Variants in NSUN6 observed in about 807,000 individuals in gnomAD.
NSUN6 encodes the protein NOP2/Sun RNA methyltransferase 6.
In NSUN6, 64 loss-of-function variants were observed where a neutral mutation model predicts 58.0. The observed-to-expected ratio is 1.10, with a 90% CI of 0.90 to 1.36. The LOEUF (loss-of-function observed/expected upper bound fraction) is 1.36, where lower values mean the gene tolerates loss of function less well. Among genes scored for constraint, NSUN6 ranks in the 40% most tolerant of loss-of-function variants. NSUN6 has a pLI of 0.00. For missense variants in NSUN6, 701 were observed against 550.1 expected (o/e 1.27, Z -2.74); for synonymous variants, 231 against 193.9 (o/e 1.19, Z -1.59).
intron 7 of NSUN6, among the ~76,000 whole-genome samples, chr10:18,590,076 A>C (rs1000592450): frequency 6.6e-6 from 1 of 152,212 alleles, no homozygotes; most frequent in African/African-American, 2.4e-5. Context: ...TACCAAGTCA[A>C]TGGAAAGCAA....
At chr10:18,582,326 T>C (rs2056940741) in intron 8 of NSUN6, among the ~76,000 whole-genome samples, 1 of 152,210 alleles carries the variant, frequency 6.6e-6, no homozygotes, top group Non-Finnish European at 1.5e-5. Context: ...GCCCTGTTTA[T>C]GTCTGACTAG....
chr10:18,644,942 G>C (rs1055865484), intron 2 of NSUN6, among the ~76,000 whole-genome samples: 1 of 151,832 alleles, frequency 6.6e-6, no homozygotes, highest in Non-Finnish European at 1.5e-5. Context: ...TGGATAACCT[G>C]AGGTTAGAGG....
intron 3 of NSUN6, among the ~76,000 whole-genome samples, chr10:18,619,034 A>T (rs895585796): frequency 5.3e-5 from 8 of 152,322 alleles, no homozygotes; most frequent in African/African-American, 1.9e-4. Flanking sequence ...CTGTTTTTAT[A>T]GTCTATGCCA....
intron 2 of NSUN6, among the ~76,000 whole-genome samples, chr10:18,645,968 G>A (rs1330718510): frequency 6.6e-6 from 1 of 152,160 alleles, no homozygotes; most frequent in Admixed American, 6.5e-5. Flanking sequence ...GCCAAGGCAC[G>A]CAGATCACTT....
intron 8 of NSUN6, among the ~76,000 whole-genome samples, chr10:18,583,041 G>A (rs1265290679): frequency 6.6e-6 from 1 of 152,262 alleles, no homozygotes; most frequent in African/African-American, 2.4e-5. Context: ...GAAGTCTGGA[G>A]CAGTCAAAGA....
intron 3 of NSUN6, among the ~76,000 whole-genome samples, chr10:18,632,900 T>A (rs2059085279): frequency 6.6e-6 from 1 of 152,172 alleles, no homozygotes; most frequent in African/African-American, 2.4e-5. Flanking sequence ...GCCATCCCAT[T>A]ACTGGGTATA....
At chr10:18,560,037 CTGGAATGGAGAATGGAA>C (rs1219672527) in intron 8 of NSUN6, among the ~76,000 whole-genome samples, 16 of 116,114 alleles carry the variant, frequency 1.4e-4, no homozygotes, top group African/African-American at 5.4e-4. Flanking sequence ...GGAGATTGAG[CTGGAATGGAGAATGGAA>C]TGAAATGGAA....
At chr10:18,634,639 G>C (rs2059151412) in intron 3 of NSUN6, among the ~76,000 whole-genome samples, 1 of 151,788 alleles carries the variant, frequency 6.6e-6, no homozygotes, top group South Asian at 2.1e-4. Context: ...GCAGGTGCAC[G>C]TAGTCCTAGC....
intron 7 of NSUN6, among the ~76,000 whole-genome samples, chr10:18,590,229 C>T (rs951788162): frequency 3.9e-5 from 6 of 152,140 alleles, no homozygotes; most frequent in Non-Finnish European, 7.3e-5. Flanking sequence ...TATATATGCA[C>T]CCAATACAGG....
intron 3 of NSUN6, among the ~76,000 whole-genome samples, chr10:18,627,218 T>G (rs1298134078): frequency 1.3e-5 from 2 of 152,216 alleles, no homozygotes; most frequent in Non-Finnish European, 2.9e-5. Flanking sequence ...AAATCTCATT[T>G]CAAGTAAACT....
intron 8 of NSUN6, among the ~76,000 whole-genome samples, chr10:18,580,273 C>A (rs1353769488): frequency 1.3e-5 from 2 of 152,182 alleles, no homozygotes; most frequent in East Asian, 1.9e-4. Context: ...GCATTTGTGC[C>A]ATGACCCGCT....
At chr10:18,630,977 T>G (rs916559477) in intron 3 of NSUN6, among the ~76,000 whole-genome samples, 13 of 151,882 alleles carry the variant, frequency 8.6e-5, no homozygotes, top group Non-Finnish European at 1.8e-4. Flanking sequence ...CCAATATCCT[T>G]GATGAACATT....
chr10:18,614,569 C>A lies in NSUN6; in HGVS notation c.466G>T (p.Gly156Ter). ...DVISVYSDIK[G>*]KCKKGAKEFD... Reference sequence around the variant, plus strand: ...TCTTTGGCTCCTTTCTTACATTTTCCTTTAATATCAGAGTATACAGAAATA... The same window carrying A: ...TCTTTGGCTCCTTTCTTACATTTTCATTTAATATCAGAGTATACAGAAATA... Residue 156 changes from glycine (G) to a stop codon, truncating the protein, a stop_gained, in exon 5 of 11, where the codon GGA becomes TGA. Coordinates refer to ENST00000377304, the MANE Select transcript of NSUN6 (RefSeq NM_182543.5). LOFTEE classifies it high-confidence loss of function. The A allele has an allele frequency of 6.6e-7, 1 of 1,511,380 alleles. No homozygotes were observed. Among genetic ancestry groups the A allele is most frequent in the East Asian group, 2.4e-5 (1 of 41,990 alleles). 93.6% of individuals were successfully genotyped at this position (1,511,380 alleles called of 1,614,324 possible). A position where few individuals can be genotyped will look rare whatever the true frequency, so the allele number is the denominator to read the frequency against.
chr10:18,596,141 T>A, intron 7 of NSUN6, 67 bp downstream of exon 7: 1 of 1,386,130 alleles, frequency 7.2e-7, no homozygotes, highest in Non-Finnish European at 1.0e-6. Context: ...GGCTCTATGT[T>A]TCAGAAATTA....
chr10:18,589,816 A>G (rs987698245), intron 7 of NSUN6, among the ~76,000 whole-genome samples: 23 of 152,204 alleles, frequency 1.5e-4, no homozygotes, highest in Non-Finnish European at 2.9e-5. Flanking sequence ...ACCAAAATAT[A>G]AAGACCAACG....
Position 18,651,258 on chromosome 10 carries a change from T to TG in NSUN6, c.-56_-55insC. The TG allele has an allele frequency of 2.0e-6, 3 of 1,494,334 alleles. No homozygotes were observed. In the East Asian group the frequency reaches 7.4e-5, roughly 37 times the overall value. The allele number at this position is 1,494,334 out of a possible 1,614,324, so 92.6% of individuals were successfully genotyped here. A position where few individuals can be genotyped will look rare whatever the true frequency, so the allele number is the denominator to read the frequency against. ...GAAATGCTGGAAAACGGTGTTTTGT[T>TG]TTTTTTTTTCTTTCCGAATTAATAG... is the stretch of plus-strand genomic sequence containing the variant. On this transcript the variant is annotated 5_prime_UTR_variant, in exon 1 of 11. Coordinates refer to ENST00000377304, the MANE Select transcript of NSUN6 (RefSeq NM_182543.5).
intron 8 of NSUN6, among the ~76,000 whole-genome samples, chr10:18,552,947 AATTCTCCATTACATTCC>A (rs1449959547): frequency 1.0e-4 from 14 of 135,034 alleles, no homozygotes; most frequent in African/African-American, 3.9e-4. Flanking sequence ...TTCTCCACTC[AATTCTCCATTACATTCC>A]ATTCTCCATT....
intron 8 of NSUN6, among the ~76,000 whole-genome samples, chr10:18,577,881 T>C (rs1322077689): frequency 6.6e-6 from 1 of 152,164 alleles, no homozygotes; most frequent in African/African-American, 2.4e-5. Context: ...CGGAATTAGT[T>C]TAGCCTGTGT....
chr10:18,599,388 G>A (rs536045703), intron 6 of NSUN6, among the ~76,000 whole-genome samples: 5 of 152,242 alleles, frequency 3.3e-5, no homozygotes, highest in East Asian at 1.9e-4. Context: ...CACTGTGCCC[G>A]GTGACAGAGT....
Sources: allele counts gnomAD v4.1 joint callset (sites outside exome capture counted in the v4.1 genomes callset), GRCh38; gene constraint gnomAD v4.1.1; transcripts MANE v1.5; gene names NCBI Gene and HGNC (gene_info 2026-07-23, HGNC 2026-07-21).